Variants in CAMK2B observed in about 807,000 individuals in gnomAD.
The protein encoded by CAMK2B is calcium/calmodulin dependent protein kinase II beta.
In CAMK2B, 27 loss-of-function variants were observed where a neutral mutation model predicts 93.7. The ratio of observed to expected loss-of-function variants is 0.29; its 90% CI spans 0.21 to 0.40. CAMK2B has a LOEUF of 0.40. Among genes scored for constraint, CAMK2B ranks in the 10% least tolerant of loss-of-function variants. The pLI is 1.00. For missense variants in CAMK2B, 568 were observed against 895.8 expected (o/e 0.63, Z 4.67); for synonymous variants, 374 against 358.8 (o/e 1.04, Z -0.48).
chr7:44,253,593 C>G (rs1344039140), intron 5 of CAMK2B, among the ~76,000 whole-genome samples: 1 of 151,424 alleles, frequency 6.6e-6, no homozygotes, highest in African/African-American at 2.4e-5. Flanking sequence ...CTCCGTTAGC[C>G]TTATTTATGT....
rs1327592028 is a variant in CAMK2B, at chr7:44,248,912, G to A, written c.342-1720C>T. Among the ~76,000 whole-genome samples the A allele has an allele frequency of 6.6e-6, 1 of 152,126 alleles. No individual in the cohort carries two copies. Among genetic ancestry groups the A allele is most frequent in the Non-Finnish European group, 1.5e-5 (1 of 68,036 alleles). ...GTGTCACTTCAATGTCACCAAGAGT[G>A]GGAGCCACAATCCTATCTCCTTGCT... On this transcript the variant is annotated intron_variant, in intron 5 of 23. Transcript: ENST00000395749. The surrounding 1 kb of genome is among the most constrained non-coding windows in gnomAD (Gnocchi z 4.1).
At chr7:44,303,761 A>C (rs1436710561) in intron 1 of CAMK2B, among the ~76,000 whole-genome samples, 1 of 152,230 alleles carries the variant, frequency 6.6e-6, no homozygotes, top group Admixed American at 6.5e-5. Context: ...GACTTAATTA[A>C]AAGTAAAAAG....
chr7:44,240,899 T>C (rs2096671726), intron 11 of CAMK2B, 150 bp from the exon 12 acceptor site: 1 of 768,312 alleles, frequency 1.3e-6, no homozygotes, highest in Non-Finnish European at 2.2e-6. Context: ...AGGCAAGAGC[T>C]CCAGGAAGCC....
chr7:44,309,078 G>C (rs908332216), intron 1 of CAMK2B, among the ~76,000 whole-genome samples: 3 of 152,212 alleles, frequency 2.0e-5, no homozygotes, highest in Admixed American at 1.3e-4. Flanking sequence ...GGCCTAGTAG[G>C]CTCCTACCAC....
chr7:44,309,622 G>A (rs1185159600), intron 1 of CAMK2B, among the ~76,000 whole-genome samples: 1 of 152,210 alleles, frequency 6.6e-6, no homozygotes, highest in African/African-American at 2.4e-5. Context: ...GGGCTGGAGT[G>A]CGGTGGGGTC....
chr7:44,306,974 G>A (rs1791866573), intron 1 of CAMK2B, among the ~76,000 whole-genome samples: 2 of 137,024 alleles, frequency 1.5e-5, no homozygotes, highest in Admixed American at 7.1e-5. Context: ...ATGTGAGAAA[G>A]GGGAGGAGGG....
chr7:44,296,793 C>A (rs533330260), intron 1 of CAMK2B, among the ~76,000 whole-genome samples: 37 of 152,206 alleles, frequency 2.4e-4, no homozygotes, highest in African/African-American at 8.9e-4. Context: ...AAGAAATGAA[C>A]CACCAACCTA....
rs1410719055 is a variant in CAMK2B, at chr7:44,241,681, CT to C, written c.903+18del. 1 of 1,601,958 alleles carries C rather than the reference CT, an allele frequency of 6.2e-7. No individual in the cohort carries two copies. Among genetic ancestry groups the C allele is most frequent in the African/African-American group, 1.3e-5 (1 of 74,702 alleles). ...CAGAGAAGCATGGCCGTGCCTGGGA[CT>C]AGGGGCCAGGGCCTCACCTTGAGCT... On this transcript the variant is annotated intron_variant, in intron 11 of 23. Coordinates refer to ENST00000395749, the MANE Select transcript of CAMK2B (RefSeq NM_001220.5).
At position 44,218,722 on chromosome 7, in the gene CAMK2B, T is replaced by C. The variant is rs2096363361; in HGVS notation, c.*803A>G. 1 of 152,298 alleles carries C rather than the reference T, an allele frequency of 6.6e-6. No individual in the cohort carries two copies. 9.4% of individuals were successfully genotyped at this position (152,298 alleles called of 1,614,324 possible). The stretch of plus-strand genomic sequence containing the variant: ...GCCCAAAACTAAGCTGTGCCCCTCT[T>C]TGCACTTTACTCCCCCAGAAGGACC... On this transcript the variant is annotated 3_prime_UTR_variant, in exon 24 of 24. Coordinates refer to ENST00000395749, the MANE Select transcript of CAMK2B (RefSeq NM_001220.5).
rs748377531 is a variant in CAMK2B, at chr7:44,220,809, C to G, written c.1673+17G>C. ...ATCCTTGTCCTGCACAGCCCCCCCC[C>G]AGCCCCAGGGACTCACGCGTAGGCC... On this transcript the variant is annotated intron_variant, in intron 21 of 23. Coordinates refer to ENST00000395749, the MANE Select transcript of CAMK2B (RefSeq NM_001220.5). The G allele has an allele frequency of 4.5e-6, 7 of 1,561,336 alleles. No individual in the cohort carries two copies. Among genetic ancestry groups the G allele is most frequent in the South Asian group, 3.5e-5 (3 of 84,862 alleles).
chr7:44,290,040 G>C (rs1786333557), intron 1 of CAMK2B, among the ~76,000 whole-genome samples: 1 of 152,164 alleles, frequency 6.6e-6, no homozygotes, highest in African/African-American at 2.4e-5. Flanking sequence ...GCAGTTCACA[G>C]GCATGCGCAC....
chr7:44,300,842 C>T (rs1789790994), intron 1 of CAMK2B, among the ~76,000 whole-genome samples: 1 of 152,198 alleles, frequency 6.6e-6, no homozygotes, highest in African/African-American at 2.4e-5. Context: ...TCTTCTCAAG[C>T]TCACATGGAA....
At position 44,241,681 on chromosome 7, in the gene CAMK2B, C is replaced by G; in HGVS notation, c.903+19G>C. 1 of 1,602,076 alleles carries G rather than the reference C, an allele frequency of 6.2e-7. No homozygotes were observed. The highest frequency in any genetic ancestry group is 8.6e-7 in the Non-Finnish European group (1 of 1,169,314). On this transcript the variant is annotated intron_variant, in intron 11 of 23. Coordinates refer to ENST00000395749, the MANE Select transcript of CAMK2B (RefSeq NM_001220.5). ...CAGAGAAGCATGGCCGTGCCTGGGACTAGGGGCCAGGGCCTCACCTTGAGC... is the reference window on the plus strand; with the variant it reads ...CAGAGAAGCATGGCCGTGCCTGGGAGTAGGGGCCAGGGCCTCACCTTGAGC...
chr7:44,288,128 G>A (rs1454540760), intron 1 of CAMK2B, among the ~76,000 whole-genome samples: 1 of 152,182 alleles, frequency 6.6e-6, no homozygotes, highest in East Asian at 1.9e-4. Context: ...GGGCCTGTGG[G>A]TAGATGGGTC....
In CAMK2B at chr7:44,242,328, CAG is replaced by C. The variant is rs2128966671; in HGVS notation, c.707_708del (p.Pro236ArgfsTer8). 6.2e-7 allele frequency: 1 copy of C among 1,613,804 alleles called. No individual in the cohort carries two copies. The highest frequency in any genetic ancestry group is 8.5e-7 in the Non-Finnish European group (1 of 1,179,774). On this transcript the variant is annotated frameshift_variant, in exon 10 of 24. Transcript: ENST00000395749. LOFTEE classifies it high-confidence loss of function. ...IKAGAYDFPS[P>X]EWDTVTPEAK... is the part of the protein sequence containing the mutation. ...GCTTCAGGAGTGACGGTGTCCCACT[CAG>C]GGGACGGGAACTGCAGAAGGAAACA...
In CAMK2B at chr7:44,315,433, G is replaced by A. The variant is rs78948056; in HGVS notation, c.65+9924C>T. 3.7e-3 allele frequency among the ~76,000 whole-genome samples: 566 copies of A among 152,260 alleles called. 5 individuals carry two copies. The highest frequency in any genetic ancestry group is 0.013 in the African/African-American group (535 of 41,534). On this transcript the variant is annotated intron_variant, in intron 1 of 23. Coordinates refer to ENST00000395749, the MANE Select transcript of CAMK2B (RefSeq NM_001220.5). ...TCTCAATCCTATTTCACTGATCTATGTATTTATCCTTATGTCAACACCACA... is the reference window on the plus strand; with the variant it reads ...TCTCAATCCTATTTCACTGATCTATATATTTATCCTTATGTCAACACCACA...
At chr7:44,285,085 C>T (rs1392067671) in intron 1 of CAMK2B, among the ~76,000 whole-genome samples, 1 of 152,176 alleles carries the variant, frequency 6.6e-6, no homozygotes, top group Non-Finnish European at 1.5e-5. Context: ...AGCTCCTGCC[C>T]TGGCTTCAGG....
At chr7:44,268,992 G>T (rs2096946023) in intron 2 of CAMK2B, among the ~76,000 whole-genome samples, 1 of 152,130 alleles carries the variant, frequency 6.6e-6, no homozygotes, top group South Asian at 2.1e-4. Context: ...GGTGTGGAGG[G>T]AGCTCCTCCC....
chr7:44,307,485 G>A (rs557651760), intron 1 of CAMK2B, among the ~76,000 whole-genome samples: 20 of 151,930 alleles, frequency 1.3e-4, no homozygotes, highest in Non-Finnish European at 2.2e-4. Context: ...AGGAGGCTCA[G>A]CCTGGGGCCT....
Sources: gnomAD v4.1 joint callset for allele counts (sites outside exome capture counted in the v4.1 genomes callset) on GRCh38, gnomAD v4.1.1 for gene constraint, Gnocchi (gnomAD v3.1) non-coding constraint, MANE v1.5 for transcripts, NCBI Gene and HGNC (gene_info 2026-07-23, HGNC 2026-07-21) for gene names.